ADARB1: variants seen among roughly 807,000 people sequenced by gnomAD.
ADARB1 encodes the protein adenosine deaminase RNA specific B1, also known as double-stranded RNA-specific editase 1.
A neutral mutation model predicts 52.4 loss-of-function variants in ADARB1; 10 were observed. The ratio of observed to expected loss-of-function variants is 0.19; its 90% CI spans 0.12 to 0.32. ADARB1 has a LOEUF of 0.32. Ranked by LOEUF, ADARB1 falls within the 10% of genes least tolerant of loss-of-function variation. The pLI is 1.00. For synonymous variants in ADARB1, 349 were observed against 371.1 expected, an observed-to-expected ratio of 0.94 and a Z score of 0.68; for missense variants, 643 against 922.3, an observed-to-expected ratio of 0.70 and a Z score of 3.92.
At chr21:45,173,020 C>T (rs1017521013) in intron 3 of ADARB1, among the ~76,000 whole-genome samples, 3 of 152,200 alleles carry the variant, frequency 2.0e-5, no homozygotes, top group Non-Finnish European at 4.4e-5. Context: ...AGCCCACCAA[C>T]GGAGCATGTG....
chr21:45,075,121 C>T (rs2085867856), intron 1 of ADARB1, among the ~76,000 whole-genome samples: 5 of 151,428 alleles, frequency 3.3e-5, no homozygotes, highest in African/African-American at 9.7e-5. Flanking sequence ...GAGGCTGCGC[C>T]CTGGGGACCG....
At position 45,176,613 on chromosome 21, in the gene ADARB1, G is replaced by A. The variant is rs1671009767; in HGVS notation, c.912G>A (p.Thr304=). The A allele has an allele frequency of 6.2e-7, 1 of 1,613,882 alleles. No individual in the cohort carries two copies. The highest frequency in any genetic ancestry group is 8.5e-7 in the Non-Finnish European group (1 of 1,179,900). The change falls in exon 4 of 11, where the codon ACG becomes ACA. Residue 304 remains threonine, a synonymous_variant. Coordinates refer to ENST00000348831, the MANE Select transcript of ADARB1 (RefSeq NM_001112.4). The surrounding 1 kb of genome is among the most constrained non-coding windows in gnomAD (Gnocchi z 5.8). The part of the protein sequence containing the change: ...AAIFNLHLDQ[T]PSRQPIPSEG... Reference sequence around the variant, plus strand: ...TTTTTAACTTGCACTTGGATCAGACGCCATCTCGCCAGCCTATTCCCAGTG... The same window carrying A: ...TTTTTAACTTGCACTTGGATCAGACACCATCTCGCCAGCCTATTCCCAGTG...
intron 2 of ADARB1, chr21:45,134,967 G>T: frequency 2.6e-6 from 1 of 379,980 alleles, no homozygotes; most frequent in Non-Finnish European, 5.3e-6. Context: ...CTGGGGCAGG[G>T]ACTGGCAGGC....
At chr21:45,165,078 CCCACCCCCGCCCAG>C (rs1002569286) in intron 2 of ADARB1, among the ~76,000 whole-genome samples, 1 of 152,152 alleles carries the variant, frequency 6.6e-6, no homozygotes, top group African/African-American at 2.4e-5. Context: ...CCTCACCAGG[CCCACCCCCGCCCAG>C]CCACCCTAGA....
At chr21:45,210,100 C>G (rs2146388445) in intron 9 of ADARB1, among the ~76,000 whole-genome samples, 1 of 152,350 alleles carries the variant, frequency 6.6e-6, no homozygotes, top group South Asian at 2.1e-4. Context: ...GTTCTCCTTT[C>G]TGGGAGAGTG....
In ADARB1 at chr21:45,162,051, G is replaced by A. The variant is rs529154240; in HGVS notation, c.-47-9559G>A. Reference sequence around the variant, plus strand: ...GCTGAATGGCAGGTCTGAAAGAGCTGTAACACAAACAGGGCTGAAACACAC... The same window carrying A: ...GCTGAATGGCAGGTCTGAAAGAGCTATAACACAAACAGGGCTGAAACACAC... On this transcript the variant is annotated intron_variant, in intron 2 of 10. Coordinates refer to ENST00000348831, the MANE Select transcript of ADARB1 (RefSeq NM_001112.4). Among the ~76,000 whole-genome samples, 3 of 152,318 alleles carry A rather than the reference G, an allele frequency of 2.0e-5. No homozygotes were observed. The East Asian group carries it at 5.8e-4, about 29-fold the overall frequency.
intron 2 of ADARB1, among the ~76,000 whole-genome samples, chr21:45,162,209 C>A: frequency 6.6e-6 from 1 of 152,212 alleles, no homozygotes; most frequent in South Asian, 2.1e-4. Context: ...CCCTGCGGTT[C>A]CTGGTGTTTC....
chr21:45,079,849 C>T (rs924827461), intron 1 of ADARB1, among the ~76,000 whole-genome samples: 1 of 152,168 alleles, frequency 6.6e-6, no homozygotes, highest in Admixed American at 6.5e-5. Flanking sequence ...ATTTGGGAGT[C>T]ATTTGCATAT....
intron 1 of ADARB1, among the ~76,000 whole-genome samples, chr21:45,115,789 G>A (rs920429460): frequency 6.6e-6 from 1 of 152,154 alleles, no homozygotes; most frequent in African/African-American, 2.4e-5. Flanking sequence ...AAGTTCAAAT[G>A]TGTGAGTTTC....
intron 9 of ADARB1, among the ~76,000 whole-genome samples, chr21:45,205,656 T>A (rs2092652357): frequency 6.6e-6 from 1 of 152,222 alleles, no homozygotes; most frequent in Non-Finnish European, 1.5e-5. Context: ...TTTTCTTTTT[T>A]TAGAATTTCA....
rs1399477157 is a variant in ADARB1 at position 45,200,582 on chromosome 21, T to A, written c.1566-3973T>A. On this transcript the variant is annotated intron_variant, in intron 8 of 10. Coordinates refer to ENST00000348831, the MANE Select transcript of ADARB1 (RefSeq NM_001112.4). This position sits in a 1 kb window ranked among gnomAD's most constrained non-coding sequence, Gnocchi z 5.0. ...ACGCACAGGAAGGGGGATGGCTTTATTGTAGGGAAAGGGGGAGGCTTTGGG... is the reference window on the plus strand; with the variant it reads ...ACGCACAGGAAGGGGGATGGCTTTAATGTAGGGAAAGGGGGAGGCTTTGGG... Among the ~76,000 whole-genome samples, 1 of 151,960 alleles carries A rather than the reference T, an allele frequency of 6.6e-6. No homozygotes were observed. The highest frequency in any genetic ancestry group is 1.9e-4 in the East Asian group (1 of 5,180).
chr21:45,225,754 C>T lies in ADARB1; in HGVS notation c.*3557C>T. 4.9e-6 allele frequency: 2 copies of T among 410,790 alleles called. No individual in the cohort carries two copies. The highest frequency in any genetic ancestry group is 8.4e-6 in the Non-Finnish European group (2 of 236,766). The allele number at this position is 410,790 out of a possible 1,614,324, so 25.4% of individuals were successfully genotyped here. A position where few individuals can be genotyped will look rare whatever the true frequency, so the allele number is the denominator to read the frequency against. On this transcript the variant is annotated 3_prime_UTR_variant, in exon 11 of 11. Coordinates refer to ENST00000348831, the MANE Select transcript of ADARB1 (RefSeq NM_001112.4). Reference sequence around the variant, plus strand: ...GAAGGAAAATTGGCCATCTTTCCCACCTCTAAATTCTGTAAAATTATAGAC... The same window carrying T: ...GAAGGAAAATTGGCCATCTTTCCCATCTCTAAATTCTGTAAAATTATAGAC...
rs1164959749 is a variant in ADARB1, at chr21:45,140,105, G to A, written c.-48+11532G>A. ...ATTACAGGCGCCCGCCACCATGCCC[G>A]GCTAATTTTGTATTTTTAGTAGAGA... On this transcript the variant is annotated intron_variant, in intron 2 of 10. Transcript: ENST00000348831. 1.1e-4 allele frequency among the ~76,000 whole-genome samples: 17 copies of A among 151,862 alleles called. No homozygotes were observed. The East Asian group carries it at 2.3e-3, about 21-fold the overall frequency.
At chr21:45,096,732 G>A (rs976242368) in intron 1 of ADARB1, among the ~76,000 whole-genome samples, 14 of 152,138 alleles carry the variant, frequency 9.2e-5, no homozygotes, top group Admixed American at 7.9e-4. Context: ...CTTGGGCTTC[G>A]GGAGGAATTT....
At chr21:45,146,305 A>G (rs1369814411) in intron 2 of ADARB1, 1 of 152,262 alleles carries the variant, frequency 6.6e-6, no homozygotes, top group African/African-American at 2.4e-5. Flanking sequence ...GGCTTGCTAT[A>G]CAAGTTTTGG....
intron 2 of ADARB1, among the ~76,000 whole-genome samples, chr21:45,136,350 C>T (rs2089371484): frequency 6.6e-6 from 1 of 152,210 alleles, no homozygotes. Flanking sequence ...ATTCTTCTTC[C>T]TCAGACCTGG....
At chr21:45,126,288 CA>C (rs2145820811) in intron 1 of ADARB1, among the ~76,000 whole-genome samples, 1 of 152,246 alleles carries the variant, frequency 6.6e-6, no homozygotes, top group East Asian at 1.9e-4. Flanking sequence ...ATGTGTGATG[CA>C]CTGTTAGGAG....
At chr21:45,131,574 G>A (rs975074034) in intron 2 of ADARB1, among the ~76,000 whole-genome samples, 5 of 152,266 alleles carry the variant, frequency 3.3e-5, no homozygotes, top group East Asian at 1.9e-4. Context: ...TGATGCCTAC[G>A]CCACTTCTCA....
intron 1 of ADARB1, among the ~76,000 whole-genome samples, chr21:45,095,055 G>T (rs1253412480): frequency 6.6e-6 from 1 of 152,228 alleles, no homozygotes; most frequent in Non-Finnish European, 1.5e-5. Context: ...GGTCTTGCTA[G>T]TCACTAATGA....
Sources: allele counts gnomAD v4.1 joint callset (sites outside exome capture counted in the v4.1 genomes callset), GRCh38; gene constraint gnomAD v4.1.1; non-coding constraint Gnocchi (gnomAD v3.1); transcripts MANE v1.5; gene names NCBI Gene and HGNC (gene_info 2026-07-23, HGNC 2026-07-21).